The following PTPRE variants were observed in gnomAD, a reference collection of about 807,000 sequenced individuals.
PTPRE encodes receptor-type tyrosine-protein phosphatase epsilon.
In PTPRE, 51 loss-of-function variants were observed where a neutral mutation model predicts 102.0. That is an observed-to-expected ratio of 0.50 (90% CI 0.40 to 0.63). The LOEUF (loss-of-function observed/expected upper bound fraction) is 0.63, where lower values mean the gene tolerates loss of function less well. PTPRE is among the 30% of genes least tolerant of loss of function. The probability of loss-of-function intolerance (pLI) is 0.00; values close to 1 mark genes in which losing one functional copy is unlikely to be tolerated. For missense variants in PTPRE, 752 were observed against 915.1 expected (o/e 0.82, Z 2.30); for synonymous variants, 345 against 348.2 (o/e 0.99, Z 0.10).
At chr10:128,039,366 G>A (rs1847479089) in intron 2 of PTPRE, among the ~76,000 whole-genome samples, 1 of 152,082 alleles carries the variant, frequency 6.6e-6, no homozygotes, top group South Asian at 2.1e-4. Context: ...CAGCCCTGTG[G>A]GGTTATTGTG....
chr10:128,007,257 A>G (rs1342706160), intron 2 of PTPRE, among the ~76,000 whole-genome samples: 1 of 152,084 alleles, frequency 6.6e-6, no homozygotes, highest in African/African-American at 2.4e-5. Flanking sequence ...TTTTTCATAA[A>G]CCTTTTGGCT....
chr10:127,970,571 C>T (rs992206884), intron 1 of PTPRE, among the ~76,000 whole-genome samples: 5 of 151,792 alleles, frequency 3.3e-5, no homozygotes, highest in African/African-American at 7.3e-5. Flanking sequence ...AGTGGGCATT[C>T]AATAAATATC....
rs550088774 is a variant in PTPRE, at chr10:127,989,939, G to T, written c.-8+7643G>T. Among the ~76,000 whole-genome samples the T allele has an allele frequency of 3.2e-3, 492 of 152,264 alleles. 7 individuals carry two copies. Among genetic ancestry groups the T allele is most frequent in the African/African-American group, 0.011 (464 of 41,538 alleles). The stretch of plus-strand genomic sequence containing the variant: ...TAATTTGTTCATTCGCTCACTGAGG[G>T]TTTATCGGGTTTATCAGGTATCTCT... On this transcript the variant is annotated intron_variant, in intron 2 of 20. Coordinates refer to ENST00000254667, the MANE Select transcript of PTPRE (RefSeq NM_006504.6).
At chr10:127,978,176 G>A (rs984637575) in intron 1 of PTPRE, among the ~76,000 whole-genome samples, 1 of 151,988 alleles carries the variant, frequency 6.6e-6, no homozygotes, top group African/African-American at 2.4e-5. Flanking sequence ...TACACTAAAG[G>A]AATTACAGCT....
At chr10:128,037,845 G>A (rs907966561) in intron 2 of PTPRE, among the ~76,000 whole-genome samples, 1 of 152,122 alleles carries the variant, frequency 6.6e-6, no homozygotes, top group African/African-American at 2.4e-5. Flanking sequence ...AGGCTGGAGT[G>A]CAGTGGTGCG....
rs773295401 is a variant in PTPRE, at chr10:128,076,645, C to T, written c.1642C>T (p.His548Tyr). Residue 548 changes from histidine to tyrosine, a missense_variant, in exon 18 of 21, where the codon CAT (histidine) becomes TAT (tyrosine). His to Tyr is a moderately conservative substitution (Grantham distance 83). Coordinates refer to ENST00000254667, the MANE Select transcript of PTPRE (RefSeq NM_006504.6). ...QYWPTEGSVT[H>Y]GEITIEIKND... is the part of the protein sequence containing the mutation. ...TTGGCCAACCGAGGGCTCAGTTACT[C>T]ATGGAGAAATAACGATTGAGATAAA... is the stretch of plus-strand genomic sequence containing the variant. 103 of 1,611,400 alleles carry T rather than the reference C, an allele frequency of 6.4e-5. No homozygotes were observed. The highest frequency in any genetic ancestry group is 7.9e-5 in the Non-Finnish European group (93 of 1,179,398).
chr10:128,033,307 G>A (rs1003721403), intron 2 of PTPRE, among the ~76,000 whole-genome samples: 1 of 152,150 alleles, frequency 6.6e-6, no homozygotes, highest in Non-Finnish European at 1.5e-5. Context: ...TGCTCCCAAG[G>A]GTAGAAGAAT....
chr10:127,909,259 A>G (rs1845701380), intron 1 of PTPRE, among the ~76,000 whole-genome samples: 1 of 152,128 alleles, frequency 6.6e-6, no homozygotes, highest in South Asian at 2.1e-4. Flanking sequence ...CTGAGAAGAG[A>G]GGTGGCTGTG....
chr10:127,909,042 A>G (rs114225188), intron 1 of PTPRE, among the ~76,000 whole-genome samples: 2,171 of 152,294 alleles, frequency 0.014, 35 homozygotes, highest in African/African-American at 0.049. Context: ...CAATGCGGAA[A>G]GTCACACAGA....
intron 2 of PTPRE, among the ~76,000 whole-genome samples, chr10:128,016,679 C>G (rs1286298233): frequency 2.6e-5 from 4 of 151,684 alleles, no homozygotes; most frequent in Non-Finnish European, 5.9e-5. Context: ...TCAGAGGGGA[C>G]CACAGGGACA....
chr10:128,009,891 CA>C (rs1275297741), intron 2 of PTPRE, among the ~76,000 whole-genome samples: 1 of 152,160 alleles, frequency 6.6e-6, no homozygotes, highest in Non-Finnish European at 1.5e-5. Flanking sequence ...GGCCAGGAGT[CA>C]GGGGGACATA....
intron 11 of PTPRE, among the ~76,000 whole-genome samples, chr10:128,067,732 C>A (rs1300238960): frequency 6.6e-6 from 1 of 152,218 alleles, no homozygotes; most frequent in East Asian, 1.9e-4. Context: ...GACAGCTTTG[C>A]CCAAGGAAGG....
rs561117097 is a variant in PTPRE, at chr10:127,946,409, C to T, written c.-30-35865C>T. ...GATATATATACAAGGATGTTTATTG[C>T]GGCAAAAAATAAAACACTAAATTTA... On this transcript the variant is annotated intron_variant, in intron 1 of 20. Transcript: ENST00000254667. Among the ~76,000 whole-genome samples, 18 of 147,874 alleles carry T rather than the reference C, an allele frequency of 1.2e-4. 2 individuals carry two copies. Among genetic ancestry groups the T allele is most frequent in the East Asian group, 6.2e-4 (3 of 4,846 alleles).
At chr10:127,939,402 A>T (rs150914402) in intron 1 of PTPRE, among the ~76,000 whole-genome samples, 1 of 152,198 alleles carries the variant, frequency 6.6e-6, no homozygotes, top group South Asian at 2.1e-4. Flanking sequence ...TGAATGAAGT[A>T]TGTGACTTTT....
chr10:128,063,202 C>G (rs768384673), intron 10 of PTPRE, 22 bp downstream of exon 10: 1 of 1,613,226 alleles, frequency 6.2e-7, no homozygotes, highest in Non-Finnish European at 8.5e-7. Context: ...GCATCTGGCC[C>G]CGGTATCACT....
In PTPRE at chr10:128,008,952, C is replaced by T. The variant is rs1023675265; in HGVS notation, c.-8+26656C>T. 1.3e-5 allele frequency among the ~76,000 whole-genome samples: 2 copies of T among 152,194 alleles called. No homozygotes were observed. Among genetic ancestry groups the T allele is most frequent in the African/African-American group, 4.8e-5 (2 of 41,454 alleles). ...AGAGGAGTCTCTGGTCTGGCTGGGG[C>T]TGGGTTACTTTGTTTCCTGCAAATC... On this transcript the variant is annotated intron_variant, in intron 2 of 20. Coordinates refer to ENST00000254667, the MANE Select transcript of PTPRE (RefSeq NM_006504.6). This position sits in a 1 kb window ranked among gnomAD's most constrained non-coding sequence, Gnocchi z 4.0.
chr10:127,988,380 T>G (rs146223872), intron 2 of PTPRE, among the ~76,000 whole-genome samples: 1,566 of 150,904 alleles, frequency 0.01, 36 homozygotes, highest in African/African-American at 0.036. Flanking sequence ...ATCTGGGCTC[T>G]TCGCAAACTT....
At chr10:128,066,874 G>A (rs1287797743) in intron 11 of PTPRE, among the ~76,000 whole-genome samples, 2 of 151,982 alleles carry the variant, frequency 1.3e-5, no homozygotes, top group African/African-American at 2.4e-5. Flanking sequence ...GTGCACACAG[G>A]CGCACACAGG....
intron 2 of PTPRE, among the ~76,000 whole-genome samples, chr10:127,989,874 C>A (rs984266345): frequency 6.6e-6 from 1 of 152,214 alleles, no homozygotes; most frequent in African/African-American, 2.4e-5. Flanking sequence ...TTTCTAATCT[C>A]TTTTCACACA....
Sources: gnomAD v4.1 joint callset for allele counts (sites outside exome capture counted in the v4.1 genomes callset) on GRCh38, gnomAD v4.1.1 for gene constraint, Gnocchi (gnomAD v3.1) non-coding constraint, MANE v1.5 for transcripts, NCBI Gene and HGNC (gene_info 2026-07-23, HGNC 2026-07-21) for gene names.